Variants in TTC13 observed in about 807,000 individuals in gnomAD.
TTC13 encodes the protein tetratricopeptide repeat domain 13.
A neutral mutation model predicts 120.0 loss-of-function variants in TTC13; 62 were observed. That is an observed-to-expected ratio of 0.52 (90% CI 0.42 to 0.64). The LOEUF (loss-of-function observed/expected upper bound fraction) is 0.64. Among genes scored for constraint, TTC13 ranks in the 30% least tolerant of loss-of-function variants. The pLI, the probability that TTC13 is intolerant of heterozygous loss-of-function variation, is 0.00. For synonymous variants in TTC13, 384 were observed against 393.5 expected, an observed-to-expected ratio of 0.98 and a Z score of 0.28; for missense variants, 824 against 1,050.2, an observed-to-expected ratio of 0.78 and a Z score of 2.98.
At chr1:230,948,910 G>C (rs921153137) in intron 4 of TTC13, among the ~76,000 whole-genome samples, 1 of 152,040 alleles carries the variant, frequency 6.6e-6, no homozygotes, top group African/African-American at 2.4e-5. Context: ...CATTGCCTCG[G>C]TCCCCAAGAA....
chr1:230,911,150 G>A (rs1348613692), intron 20 of TTC13, among the ~76,000 whole-genome samples: 1 of 152,224 alleles, frequency 6.6e-6, no homozygotes, highest in Non-Finnish European at 1.5e-5. Context: ...AAGAGGTTCA[G>A]TAAGAGGCTG....
At chr1:230,976,992 T>C (rs12045576) in intron 1 of TTC13, among the ~76,000 whole-genome samples, 33,865 of 152,124 alleles carry the variant, frequency 0.22, 3,944 homozygotes, top group East Asian at 0.4. Context: ...CATATGCAAG[T>C]AAATACTTCA....
At chr1:230,909,797 A>G (rs1572166988) in intron 20 of TTC13, among the ~76,000 whole-genome samples, 1 of 151,992 alleles carries the variant, frequency 6.6e-6, no homozygotes, top group Non-Finnish European at 1.5e-5. Flanking sequence ...AGGCCAGGGG[A>G]TTGTGGGGTA....
chr1:230,930,702 G>A (rs1366735083), intron 11 of TTC13, among the ~76,000 whole-genome samples: 5 of 152,098 alleles, frequency 3.3e-5, no homozygotes, highest in South Asian at 2.1e-4. Context: ...GGTGGATCAC[G>A]AGGTCAAGAG....
At chr1:230,953,182 A>G (rs918594670) in intron 4 of TTC13, among the ~76,000 whole-genome samples, 1 of 152,218 alleles carries the variant, frequency 6.6e-6, no homozygotes, top group Non-Finnish European at 1.5e-5. Flanking sequence ...TTTAAATTCT[A>G]CTGAAGAATA....
intron 2 of TTC13, among the ~76,000 whole-genome samples, chr1:230,959,722 T>C (rs565094732): frequency 6.2e-4 from 94 of 152,364 alleles, no homozygotes; most frequent in African/African-American, 2.2e-3. Flanking sequence ...CCCTTTCCTA[T>C]TTCTAATACT....
intron 18 of TTC13, 130 bp downstream of exon 18, chr1:230,916,063 C>T: frequency 1.4e-6 from 1 of 716,578 alleles, no homozygotes; most frequent in Non-Finnish European, 2.5e-6. Context: ...TAACTGCTCA[C>T]TGGACCTTGA....
At chr1:230,954,822 T>C (rs1475942628) in intron 3 of TTC13, among the ~76,000 whole-genome samples, 1 of 152,216 alleles carries the variant, frequency 6.6e-6, no homozygotes, top group East Asian at 1.9e-4. Context: ...ATCACAAATC[T>C]CAATTCCTGG....
intron 8 of TTC13, among the ~76,000 whole-genome samples, chr1:230,939,179 A>G (rs1674335289): frequency 6.6e-6 from 1 of 152,254 alleles, no homozygotes; most frequent in Non-Finnish European, 1.5e-5. Flanking sequence ...AAAGCTTTGC[A>G]AACTGTATCC....
intron 13 of TTC13, 113 bp downstream of exon 13, chr1:230,925,404 G>A: frequency 8.4e-7 from 1 of 1,195,742 alleles, no homozygotes; most frequent in Non-Finnish European, 1.2e-6. Context: ...CTGATCACAT[G>A]GAGAATTTGA....
In TTC13 at chr1:230,924,868, A is replaced by G; in HGVS notation, c.1694T>C (p.Met565Thr). 1.2e-6 allele frequency: 2 copies of G among 1,614,186 alleles called. No individual in the cohort carries two copies. The highest frequency in any genetic ancestry group is 1.7e-6 in the Non-Finnish European group (2 of 1,180,028). ...GKTRLMQWRD[M>T]FDIAVKWRRI... ...TCTCCATTTAACTGCAATGTCAAAC[A>G]TGTCTCTCCACTGCATCAACCGTGT... is the stretch of plus-strand genomic sequence containing the variant. Residue 565 changes from methionine to threonine, a missense_variant, in exon 14 of 23, where the codon ATG (methionine) becomes ACG (threonine). By Grantham distance (81) the Met-to-Thr change is moderately conservative. Around this residue, in one of 4 missense-constraint regions of TTC13, gnomAD observed 430 missense variants for 626.8 expected, o/e 0.69. Coordinates refer to ENST00000366661, the MANE Select transcript of TTC13 (RefSeq NM_024525.5).
At chr1:230,951,104 T>A (rs1449760237) in intron 4 of TTC13, among the ~76,000 whole-genome samples, 5 of 152,148 alleles carry the variant, frequency 3.3e-5, no homozygotes, top group African/African-American at 1.2e-4. Context: ...ATAAACACTT[T>A]GAAACACCGA....
chr1:230,925,716 G>C (rs1185350741), intron 12 of TTC13, 69 bp from the exon 13 acceptor site: 2 of 1,568,018 alleles, frequency 1.3e-6, no homozygotes, highest in African/African-American at 2.7e-5. Flanking sequence ...TTCCACCTGA[G>C]AAGCAGTCAC....
At chr1:230,961,457 A>T (rs963645167) in intron 1 of TTC13, among the ~76,000 whole-genome samples, 154 bp from the exon 2 acceptor site, 1 of 152,208 alleles carries the variant, frequency 6.6e-6, no homozygotes, top group East Asian at 1.9e-4. Context: ...AGTGCCTCAC[A>T]CCTGTAATCC....
intron 17 of TTC13, 56 bp from the exon 18 acceptor site, chr1:230,916,358 A>G (rs1672029065): frequency 3.2e-6 from 4 of 1,258,208 alleles, no homozygotes; most frequent in Non-Finnish European, 3.5e-6. Context: ...GTAAACCCCA[A>G]CTGCAACTCT....
intron 12 of TTC13, 113 bp from the exon 13 acceptor site, chr1:230,925,760 G>A (rs566921853): frequency 1.0e-5 from 12 of 1,192,146 alleles, no homozygotes; most frequent in South Asian, 4.0e-5. Context: ...AGCAGTCTAC[G>A]ACCACATAAT....
At chr1:230,958,954 C>T (rs1404364542) in intron 2 of TTC13, among the ~76,000 whole-genome samples, 3 of 152,200 alleles carry the variant, frequency 2.0e-5, no homozygotes, top group Admixed American at 1.3e-4. Context: ...CTGATTGTGC[C>T]ACTGTACCCC....
rs932962877 is a variant in TTC13, at chr1:230,923,709, C to T, written c.1814+132G>A. The T allele has an allele frequency of 4.4e-6, 3 of 681,430 alleles. No homozygotes were observed. The African/African-American group carries it at 5.4e-5, about 12-fold the overall frequency. The allele number at this position is 681,430 out of a possible 1,614,324, so 42.2% of individuals were successfully genotyped here. A position where few individuals can be genotyped will look rare whatever the true frequency, so the allele number is the denominator to read the frequency against. On this transcript the variant is annotated intron_variant, in intron 15 of 22. Transcript: ENST00000366661. ...GAATGCAGGCAGGACTCCACAGGTG[C>T]AGAGTCAATCAGTATGTTCCCTGGT... is the stretch of plus-strand genomic sequence containing the variant.
chr1:230,918,573 G>A (rs903009340), intron 17 of TTC13, among the ~76,000 whole-genome samples: 1 of 152,160 alleles, frequency 6.6e-6, no homozygotes, highest in African/African-American at 2.4e-5. Flanking sequence ...AGTAAAGGGG[G>A]CATCTGAACA....
Sources: gnomAD v4.1 joint callset for allele counts (sites outside exome capture counted in the v4.1 genomes callset) on GRCh38, gnomAD v4.1.1 for gene constraint, gnomAD v4.1.1 regional missense constraint, MANE v1.5 for transcripts, NCBI Gene and HGNC (gene_info 2026-07-23, HGNC 2026-07-21) for gene names.